The following NLN variants were observed in gnomAD, a reference collection of about 807,000 sequenced individuals.
NLN encodes the protein neurolysin.
A neutral mutation model predicts 79.9 loss-of-function variants in NLN; 64 were observed. The observed-to-expected ratio is 0.80, with a 90% CI of 0.65 to 0.99. The LOEUF (loss-of-function observed/expected upper bound fraction) is 0.99, where lower values mean the gene tolerates loss of function less well. Ranked by LOEUF, NLN falls within the 50% of genes least tolerant of loss-of-function variation. The probability of loss-of-function intolerance (pLI) is 0.00; values close to 1 mark genes in which losing one functional copy is unlikely to be tolerated. For missense variants in NLN, 835 were observed against 858.7 expected (o/e 0.97, Z 0.34); for synonymous variants, 267 against 296.6 (o/e 0.90, Z 1.02).
intron 1 of NLN, among the ~76,000 whole-genome samples, chr5:65,738,656 C>G (rs1758789185): frequency 1.3e-5 from 2 of 151,980 alleles, no homozygotes; most frequent in Admixed American, 6.6e-5. Context: ...ATCTTTTGAA[C>G]TTATTCTTCC....
In NLN at chr5:65,787,287, C is replaced by T. The variant is rs528074704; in HGVS notation, c.959-831C>T. On this transcript the variant is annotated intron_variant, in intron 7 of 12. Transcript: ENST00000380985. ...GTGTGTGTGTGTGTATACATACATGCGCACACACAGACACATGCACGCACA... is the reference window on the plus strand; with the variant it reads ...GTGTGTGTGTGTGTATACATACATGTGCACACACAGACACATGCACGCACA... 1.9e-4 allele frequency among the ~76,000 whole-genome samples: 28 copies of T among 151,300 alleles called. 1 individual carries two copies. The highest frequency in any genetic ancestry group is 1.2e-3 in the Admixed American group (18 of 15,218).
intron 9 of NLN, among the ~76,000 whole-genome samples, chr5:65,798,405 G>A (rs754624899): frequency 6.6e-6 from 1 of 152,184 alleles, no homozygotes; most frequent in Admixed American, 6.5e-5. Context: ...TCTTCCAAAT[G>A]TGTTGGATGG....
chr5:65,820,578 G>A (rs1339110851), intron 12 of NLN, among the ~76,000 whole-genome samples: 1 of 152,044 alleles, frequency 6.6e-6, no homozygotes, highest in Non-Finnish European at 1.5e-5. Flanking sequence ...GTAAATTGTG[G>A]TTGGGCTCAA....
At chr5:65,751,685 C>T (rs577878835) in intron 1 of NLN, among the ~76,000 whole-genome samples, 2 of 152,286 alleles carry the variant, frequency 1.3e-5, no homozygotes, top group East Asian at 3.9e-4. Flanking sequence ...ATCAACATTT[C>T]TGAAAGTACA....
intron 3 of NLN, among the ~76,000 whole-genome samples, chr5:65,771,260 A>G (rs1192929694): frequency 6.6e-6 from 1 of 152,232 alleles, no homozygotes; most frequent in African/African-American, 2.4e-5. Context: ...GCCAGCAATT[A>G]TGGCTGCAGG....
At chr5:65,755,032 A>T (rs1345564303) in intron 1 of NLN, among the ~76,000 whole-genome samples, 1 of 152,192 alleles carries the variant, frequency 6.6e-6, no homozygotes, top group Non-Finnish European at 1.5e-5. Context: ...TTAAATTCAG[A>T]TATCTCACAT....
At chr5:65,795,374 C>A (rs1338733820) in intron 9 of NLN, among the ~76,000 whole-genome samples, 12 of 151,434 alleles carry the variant, frequency 7.9e-5, no homozygotes, top group Non-Finnish European at 1.5e-4. Flanking sequence ...GGCAATAGGG[C>A]CAGAGCCTGT....
chr5:65,802,368 C>G (rs565541841), intron 9 of NLN, among the ~76,000 whole-genome samples: 1 of 152,320 alleles, frequency 6.6e-6, no homozygotes, highest in Admixed American at 6.5e-5. Flanking sequence ...GCAGCCGGAC[C>G]AGGCGTACCA....
intron 6 of NLN, among the ~76,000 whole-genome samples, chr5:65,783,976 A>G (rs1274400506): frequency 2.6e-5 from 4 of 152,186 alleles, no homozygotes; most frequent in Non-Finnish European, 5.9e-5. Flanking sequence ...AGCACTTTAC[A>G]TATATTTTCA....
chr5:65,809,422 T>C (rs1579967414), intron 9 of NLN, 93 bp from the exon 10 acceptor site: 2 of 1,042,108 alleles, frequency 1.9e-6, no homozygotes, highest in East Asian at 4.8e-5. Flanking sequence ...TGAGTCTGAT[T>C]CTGCCTTAAG....
chr5:65,725,157 G>A (rs916953942), intron 1 of NLN, among the ~76,000 whole-genome samples: 4 of 152,132 alleles, frequency 2.6e-5, no homozygotes, highest in Admixed American at 6.6e-5. Context: ...ATAATAGAAG[G>A]TAACTGGATT....
intron 1 of NLN, among the ~76,000 whole-genome samples, chr5:65,741,420 T>C (rs1758866680): frequency 6.6e-6 from 1 of 152,180 alleles, no homozygotes; most frequent in Non-Finnish European, 1.5e-5. Flanking sequence ...TTAACACTTA[T>C]TTTTGACTGA....
chr5:65,779,849 T>C (rs911852645), intron 4 of NLN, among the ~76,000 whole-genome samples: 4 of 152,166 alleles, frequency 2.6e-5, no homozygotes, highest in Non-Finnish European at 5.9e-5. Flanking sequence ...TTCCTGGAGT[T>C]TGGGCACAGA....
Position 65,785,763 on chromosome 5 carries a change from GT to G in NLN, c.823-9del. 1.9e-6 allele frequency: 3 copies of G among 1,611,716 alleles called. No individual in the cohort carries two copies. Among genetic ancestry groups the G allele is most frequent in the Non-Finnish European group, 2.5e-6 (3 of 1,178,220 alleles). ...GATTAGCCTTTATTTTGTTGCTGTT[GT>G]TTATTACTAGGAAAACACCATAATT... On this transcript the variant is annotated splice_polypyrimidine_tract_variant and intron_variant, in intron 6 of 12. Transcript: ENST00000380985.
At chr5:65,809,352 G>A in intron 9 of NLN, 163 bp from the exon 10 acceptor site, 1 of 590,332 alleles carries the variant, frequency 1.7e-6, no homozygotes, top group Non-Finnish European at 2.9e-6. Context: ...CTGTTCAGCT[G>A]CTGTGTTTTA....
chr5:65,789,455 A>G (rs1760008075), intron 8 of NLN, among the ~76,000 whole-genome samples: 1 of 152,214 alleles, frequency 6.6e-6, no homozygotes, highest in Non-Finnish European at 1.5e-5. Flanking sequence ...ATCATCATCT[A>G]GTTTGTGCAC....
At chr5:65,780,943 A>T (rs1759787424) in intron 5 of NLN, among the ~76,000 whole-genome samples, 1 of 152,158 alleles carries the variant, frequency 6.6e-6, no homozygotes, top group African/African-American at 2.4e-5. Context: ...AAGTGCTGGG[A>T]TTACACGCAT....
intron 8 of NLN, among the ~76,000 whole-genome samples, chr5:65,791,068 A>G (rs1760046956): frequency 6.6e-6 from 1 of 152,196 alleles, no homozygotes; most frequent in Non-Finnish European, 1.5e-5. Context: ...CATAAAGGTA[A>G]AAGGGATTAA....
At chr5:65,820,353 A>C (rs1052287387) in intron 12 of NLN, among the ~76,000 whole-genome samples, 1 of 152,238 alleles carries the variant, frequency 6.6e-6, no homozygotes, top group Non-Finnish European at 1.5e-5. Flanking sequence ...GTGAGAGCTC[A>C]TTATACTGTT....
Sources: gnomAD v4.1 joint callset for allele counts (sites outside exome capture counted in the v4.1 genomes callset) on GRCh38, gnomAD v4.1.1 for gene constraint, MANE v1.5 for transcripts, NCBI Gene and HGNC (gene_info 2026-07-23, HGNC 2026-07-21) for gene names.